The following UNC13C variants were observed in gnomAD, a reference collection of about 807,000 sequenced individuals.
UNC13C encodes the protein protein unc-13 homolog C.
A neutral mutation model predicts 245.4 loss-of-function variants in UNC13C; 174 were observed. The observed-to-expected ratio is 0.71, with a 90% CI of 0.63 to 0.80. The LOEUF (loss-of-function observed/expected upper bound fraction) is 0.80. UNC13C is among the 30% of genes least tolerant of loss of function. UNC13C has a pLI of 0.00. For synonymous variants in UNC13C, 992 were observed against 895.1 expected (o/e 1.11, Z -1.93); for missense variants, 2,829 against 2,602.9 (o/e 1.09, Z -1.89).
At chr15:54,219,731 A>T (rs2140778002) in intron 4 of UNC13C, among the ~76,000 whole-genome samples, 1 of 151,880 alleles carries the variant, frequency 6.6e-6, no homozygotes, top group South Asian at 2.1e-4. Flanking sequence ...AGAATCTACA[A>T]TGAACTCAAA....
the UNC13C span, among the ~76,000 whole-genome samples, chr15:53,847,058 A>G: frequency 6.6e-6 from 1 of 152,158 alleles, no homozygotes; most frequent in East Asian, 1.9e-4. Context: ...GGATTGGACC[A>G]TGATGTCAAG....
the UNC13C span, among the ~76,000 whole-genome samples, chr15:53,892,215 C>T: frequency 6.6e-6 from 1 of 152,230 alleles, no homozygotes; most frequent in Non-Finnish European, 1.5e-5. Context: ...CCGCTCTCCT[C>T]TGGCTTGTAG....
intron 4 of UNC13C, among the ~76,000 whole-genome samples, chr15:54,209,359 A>G (rs1322023382): frequency 3.9e-5 from 6 of 152,114 alleles, no homozygotes; most frequent in Admixed American, 1.3e-4. Context: ...GGATTCAGGC[A>G]TAGAGTGAAG....
intron 17 of UNC13C, among the ~76,000 whole-genome samples, chr15:54,378,779 T>C (rs564516498): frequency 6.6e-6 from 1 of 152,124 alleles, no homozygotes; most frequent in Non-Finnish European, 1.5e-5. Flanking sequence ...TGCTGTTAAA[T>C]AATTTATATA....
chr15:54,061,215 A>C (rs1216638154), intron 2 of UNC13C, among the ~76,000 whole-genome samples: 1 of 152,172 alleles, frequency 6.6e-6, no homozygotes, highest in Non-Finnish European at 1.5e-5. Context: ...ACAACTAGAA[A>C]GGATTGGTAC....
intron 1 of UNC13C, among the ~76,000 whole-genome samples, chr15:54,012,096 G>A (rs574253144): frequency 1.2e-3 from 180 of 152,194 alleles, no homozygotes; most frequent in Admixed American, 3.0e-3. Flanking sequence ...AAATGTAAAC[G>A]TTATTTTCTT....
At chr15:54,045,021 A>G (rs923835225) in intron 2 of UNC13C, among the ~76,000 whole-genome samples, 1 of 151,998 alleles carries the variant, frequency 6.6e-6, no homozygotes, top group East Asian at 1.9e-4. Context: ...TCAATCTGTG[A>G]GTTGTCTTTT....
intron 20 of UNC13C, among the ~76,000 whole-genome samples, chr15:54,499,081 C>G (rs1405211716): frequency 6.6e-6 from 1 of 152,072 alleles, no homozygotes; most frequent in Non-Finnish European, 1.5e-5. Context: ...GTTTAATTGG[C>G]TCACAGTTCT....
At chr15:54,264,069 A>G in intron 8 of UNC13C, 99 bp from the exon 9 acceptor site, 1 of 1,169,400 alleles carries the variant, frequency 8.6e-7, no homozygotes, top group Non-Finnish European at 1.2e-6. Context: ...GAATGAAAGC[A>G]CTCATTCATT....
In UNC13C at chr15:54,014,898, T is replaced by C; in HGVS notation, c.1995T>C (p.Asp665=). ...SPWKEWNQGA[D]LGLDSSTQEG... The stretch of plus-strand genomic sequence containing the variant: ...GGAAGGAATGGAATCAAGGAGCTGA[T>C]TTAGGCTTGGATTCATCCACCCAGG... Residue 665 remains aspartate, a synonymous_variant, in exon 2 of 33, where the codon GAT becomes GAC. Coordinates refer to ENST00000260323, the MANE Select transcript of UNC13C (RefSeq NM_001080534.3). 1.9e-6 allele frequency: 3 copies of C among 1,613,874 alleles called. No homozygotes were observed. The highest frequency in any genetic ancestry group is 2.5e-6 in the Non-Finnish European group (3 of 1,179,818).
At chr15:54,235,182 C>A (rs1045766060) in intron 5 of UNC13C, 74 bp downstream of exon 5, 9 of 1,256,264 alleles carry the variant, frequency 7.2e-6, no homozygotes, top group South Asian at 2.5e-5. Flanking sequence ...ATGTCCTTCT[C>A]ATTCACTGTC....
chr15:54,096,943 C>T (rs1051057000), intron 2 of UNC13C, among the ~76,000 whole-genome samples: 4 of 152,130 alleles, frequency 2.6e-5, no homozygotes, highest in Non-Finnish European at 4.4e-5. Flanking sequence ...AAATGGGAAA[C>T]TTTTGTCTAT....
At chr15:53,988,701 G>T (rs2140956584) in intron 1 of UNC13C, among the ~76,000 whole-genome samples, 1 of 152,014 alleles carries the variant, frequency 6.6e-6, no homozygotes, top group South Asian at 2.1e-4. Context: ...CTATTGTTGG[G>T]TCTGAATTTC....
At position 54,546,731 on chromosome 15, in the gene UNC13C, C is replaced by G. The variant is rs778446087; in HGVS notation, c.5706C>G (p.Leu1902=). The G allele has an allele frequency of 1.1e-5, 16 of 1,497,148 alleles. No individual in the cohort carries two copies. In the East Asian group the frequency reaches 3.8e-4, roughly 36 times the overall value. The allele number at this position is 1,497,148 out of a possible 1,614,324, so 92.7% of individuals were successfully genotyped here. Residue 1902 remains leucine (L), a synonymous_variant, in exon 27 of 33, where the codon CTC becomes CTG. Transcript: ENST00000260323. ...TATATTTTTTTTTCAGATTAAGTCT[C>G]TCAGCAAAAATCTGTGAGAAAACAG... is the stretch of plus-strand genomic sequence containing the variant. ...LMDFLDKTLS[L]SAKICEKTVL... is the part of the protein sequence containing the mutation.
chr15:54,048,568 T>G (rs977207604), intron 2 of UNC13C: 8 of 462,282 alleles, frequency 1.7e-5, no homozygotes, highest in Admixed American at 5.6e-5. Flanking sequence ...ATAGAATTGA[T>G]GTACTGAAAC....
intron 17 of UNC13C, among the ~76,000 whole-genome samples, chr15:54,338,703 C>T (rs1399251717): frequency 6.6e-6 from 1 of 152,026 alleles, no homozygotes. Context: ...AGTAAAGGCA[C>T]ATATTATTTA....
the UNC13C span, among the ~76,000 whole-genome samples, chr15:53,866,439 C>T: frequency 6.6e-6 from 1 of 152,114 alleles, no homozygotes; most frequent in Non-Finnish European, 1.5e-5. Flanking sequence ...GGTGTTTACT[C>T]AGAGAATAAA....
chr15:54,382,148 T>G (rs1194079023), intron 17 of UNC13C, among the ~76,000 whole-genome samples: 1 of 152,054 alleles, frequency 6.6e-6, no homozygotes, highest in African/African-American at 2.4e-5. Context: ...GAATGACCAT[T>G]GGATCAATAG....
upstream of UNC13C, chr15:53,976,884 T>TA (rs1893725126): frequency 6.6e-6 from 1 of 152,302 alleles, no homozygotes; most frequent in Middle Eastern, 3.4e-3. Context: ...CTCTATGTAT[T>TA]AAAACACGTT....
Sources: gnomAD v4.1 joint callset for allele counts (sites outside exome capture counted in the v4.1 genomes callset) on GRCh38, gnomAD v4.1.1 for gene constraint, MANE v1.5 for transcripts, NCBI Gene and HGNC (gene_info 2026-07-23, HGNC 2026-07-21) for gene names.